Variants in PLEKHA8 observed in about 807,000 individuals in gnomAD.
PLEKHA8 encodes the protein pleckstrin homology domain containing A8.
In PLEKHA8, 36 loss-of-function variants were observed where a neutral mutation model predicts 68.2. The observed-to-expected ratio is 0.53, with a 90% confidence interval of 0.40 to 0.70. PLEKHA8 has a LOEUF of 0.70. Ranked by LOEUF, PLEKHA8 falls within the 30% of genes least tolerant of loss-of-function variation. The pLI, the probability that PLEKHA8 is intolerant of heterozygous loss-of-function variation, is 0.00. For synonymous variants in PLEKHA8, 211 were observed against 216.1 expected, an observed-to-expected ratio of 0.98 and a Z score of 0.20; for missense variants, 505 against 615.4, an observed-to-expected ratio of 0.82 and a Z score of 1.90.
intron 13 of PLEKHA8, chr7:30,117,947 A>G (rs1049189567): frequency 4.7e-6 from 7 of 1,490,188 alleles, no homozygotes; most frequent in Non-Finnish European, 4.5e-6. Context: ...TTAAAAACTG[A>G]GACGTGGATT....
intron 13 of PLEKHA8, among the ~76,000 whole-genome samples, chr7:30,103,554 G>A (rs1402603870): frequency 6.6e-6 from 1 of 152,242 alleles, no homozygotes; most frequent in Non-Finnish European, 1.5e-5. Flanking sequence ...CTGTAGTAAT[G>A]AAGATGGTAT....
At chr7:30,070,133 T>G (rs889577390) in intron 12 of PLEKHA8, among the ~76,000 whole-genome samples, 1 of 99,016 alleles carries the variant, frequency 1.0e-5, no homozygotes, top group Admixed American at 9.8e-5. Flanking sequence ...TGGGAAGTGT[T>G]TTTTTTTTTT....
chr7:30,052,101 G>A (rs867648571), intron 6 of PLEKHA8, among the ~76,000 whole-genome samples: 10 of 152,174 alleles, frequency 6.6e-5, no homozygotes, highest in South Asian at 4.1e-4. Flanking sequence ...AAGTGGCACC[G>A]GAGAAAACTG....
chr7:30,120,167 A>AAC (rs1796673590), intron 13 of PLEKHA8, among the ~76,000 whole-genome samples: 1 of 143,268 alleles, frequency 7.0e-6, no homozygotes, highest in African/African-American at 2.7e-5. Context: ...AAAAAAAAAA[A>AAC]AACAAAAAAA....
chr7:30,052,570 C>T (rs951207610), intron 6 of PLEKHA8, 139 bp from the exon 7 acceptor site: 2 of 655,362 alleles, frequency 3.1e-6, no homozygotes, highest in Non-Finnish European at 4.7e-6. Context: ...TGATTGAGCC[C>T]AGAAGATTGC....
At chr7:30,101,987 T>G (rs2128012001) in intron 13 of PLEKHA8, among the ~76,000 whole-genome samples, 1 of 152,282 alleles carries the variant, frequency 6.6e-6, no homozygotes. Flanking sequence ...GTCAAAGAAA[T>G]GAGAAGATAA....
downstream of PLEKHA8, among the ~76,000 whole-genome samples, chr7:30,088,723 A>G (rs1166088022): frequency 2.0e-5 from 3 of 152,372 alleles, 1 homozygote; most frequent in South Asian, 6.2e-4. Context: ...TTAAACTTCA[A>G]AAGATGATAG....
intron 13 of PLEKHA8, among the ~76,000 whole-genome samples, chr7:30,102,929 A>G (rs1795903002): frequency 6.6e-6 from 1 of 152,208 alleles, no homozygotes; most frequent in South Asian, 2.1e-4. Context: ...AGTTAGCTGG[A>G]TGTGGCGGCT....
chr7:30,114,132 C>G (rs1796355307), intron 13 of PLEKHA8, among the ~76,000 whole-genome samples: 1 of 152,162 alleles, frequency 6.6e-6, no homozygotes, highest in African/African-American at 2.4e-5. Context: ...CTCCTGACCT[C>G]ATGTTATCTG....
intron 13 of PLEKHA8, among the ~76,000 whole-genome samples, chr7:30,101,553 C>T (rs1795855250): frequency 6.6e-6 from 1 of 152,148 alleles, no homozygotes; most frequent in Admixed American, 6.5e-5. Context: ...CAGTCCCATT[C>T]ATGAGAGTCC....
At chr7:30,057,858 C>T (rs1309833873) in intron 9 of PLEKHA8, among the ~76,000 whole-genome samples, 1 of 152,192 alleles carries the variant, frequency 6.6e-6, no homozygotes, top group Non-Finnish European at 1.5e-5. Flanking sequence ...ACTGGAATTG[C>T]TGGTTCATAG....
chr7:30,129,522 A>G, downstream of PLEKHA8: 3 of 593,808 alleles, frequency 5.1e-6, no homozygotes, highest in South Asian at 2.2e-5. Flanking sequence ...TAATTGATAC[A>G]CCTTAAAATT....
rs1368279330 is a variant in PLEKHA8 at position 30,083,278 on chromosome 7, C to A, written c.*4491C>A. ...AGAAGTACATTCTACTTCTGTATGT[C>A]CCTTTGTAATCCGCAGTTGCTTACT... On this transcript the variant is annotated 3_prime_UTR_variant, in exon 14 of 14. Coordinates refer to ENST00000449726, the MANE Select transcript of PLEKHA8 (RefSeq NM_001197026.2). 1.2e-5 allele frequency: 12 copies of A among 983,362 alleles called. No individual in the cohort carries two copies. The highest frequency in any genetic ancestry group is 1.7e-5 in the African/African-American group (1 of 57,154). The allele number at this position is 983,362 out of a possible 1,614,324, so 60.9% of individuals were successfully genotyped here. A position where few individuals can be genotyped will look rare whatever the true frequency, so the allele number is the denominator to read the frequency against.
At chr7:30,109,545 G>A (rs113988812) in intron 13 of PLEKHA8, among the ~76,000 whole-genome samples, 11,719 of 118,294 alleles carry the variant, frequency 0.099, 649 homozygotes, top group Middle Eastern at 0.17. Flanking sequence ...CCAAGATCGC[G>A]CCATTGCACT....
At position 30,083,966 on chromosome 7, in the gene PLEKHA8, G is replaced by T; in HGVS notation, c.*5179G>T. 3 of 985,390 alleles carry T rather than the reference G, an allele frequency of 3.0e-6. No homozygotes were observed. The South Asian group carries it at 1.4e-4, about 46-fold the overall frequency. 61.0% of individuals were successfully genotyped at this position (985,390 alleles called of 1,614,324 possible). ...GGAAGGATGCTCTAGAAGTACTTCT[G>T]TTGTTTCCTAGAAGGCTATGAGCCA... On this transcript the variant is annotated 3_prime_UTR_variant, in exon 14 of 14. Coordinates refer to ENST00000449726, the MANE Select transcript of PLEKHA8 (RefSeq NM_001197026.2).
At chr7:30,046,430 C>T (rs563420067) in intron 3 of PLEKHA8, 65 bp downstream of exon 3, 2 of 1,490,858 alleles carry the variant, frequency 1.3e-6, no homozygotes, top group Admixed American at 4.6e-5. Context: ...TCTGATTTCC[C>T]TTATTTGTTA....
intron 12 of PLEKHA8, among the ~76,000 whole-genome samples, chr7:30,070,476 C>T (rs146844860): frequency 4.6e-5 from 7 of 150,784 alleles, no homozygotes; most frequent in East Asian, 1.9e-4. Context: ...CTTTTTTGAA[C>T]GGTTAACTTG....
chr7:30,097,559 C>T (rs1038526626), intron 13 of PLEKHA8, among the ~76,000 whole-genome samples: 2 of 152,160 alleles, frequency 1.3e-5, no homozygotes, highest in East Asian at 1.9e-4. Flanking sequence ...CTTCTCTTCT[C>T]GCTTCATTTC....
intron 12 of PLEKHA8, among the ~76,000 whole-genome samples, chr7:30,063,107 A>G (rs1416904873): frequency 6.6e-6 from 1 of 152,214 alleles, no homozygotes; most frequent in African/African-American, 2.4e-5. Flanking sequence ...GAACACCATA[A>G]CAGCGGGTTG....
Sources: allele counts gnomAD v4.1 joint callset (sites outside exome capture counted in the v4.1 genomes callset), GRCh38; gene constraint gnomAD v4.1.1; transcripts MANE v1.5; gene names NCBI Gene and HGNC (gene_info 2026-07-23, HGNC 2026-07-21).